Variants in DNAAF5 observed in about 807,000 individuals in gnomAD.
The protein encoded by DNAAF5 is dynein axonemal assembly factor 5.
Under a neutral mutation model 75.8 loss-of-function variants are expected in DNAAF5, and 64 were observed. The ratio of observed to expected loss-of-function variants is 0.84; its 90% CI spans 0.69 to 1.04. DNAAF5 has a LOEUF of 1.04. Ranked by LOEUF, DNAAF5 falls within the 50% of genes least tolerant of loss-of-function variation. DNAAF5 has a pLI of 0.00. For synonymous variants in DNAAF5, 657 were observed against 557.2 expected, an observed-to-expected ratio of 1.18 and a Z score of -2.52; for missense variants, 1,269 against 1,178.5, an observed-to-expected ratio of 1.08 and a Z score of -1.12.
At chr7:760,195 G>A (rs1034959791) in intron 6 of DNAAF5, among the ~76,000 whole-genome samples, 3 of 152,190 alleles carry the variant, frequency 2.0e-5, no homozygotes, top group Admixed American at 6.5e-5. Context: ...AGGACAGAAC[G>A]CTGCTGTAGT....
intron 4 of DNAAF5, among the ~76,000 whole-genome samples, chr7:742,277 G>C (rs1392943293): frequency 6.6e-6 from 1 of 152,204 alleles, no homozygotes; most frequent in Non-Finnish European, 1.5e-5. Flanking sequence ...CAAAAAGTAG[G>C]TGAAGCGCAG....
At chr7:735,519 G>T (rs894698374) in intron 2 of DNAAF5, among the ~76,000 whole-genome samples, 8 of 148,618 alleles carry the variant, frequency 5.4e-5, no homozygotes, top group African/African-American at 2.0e-4. Flanking sequence ...TGATATTGTT[G>T]CTCACGGTTT....
At chr7:755,859 G>A (rs1168842165) in intron 5 of DNAAF5, among the ~76,000 whole-genome samples, 1 of 152,256 alleles carries the variant, frequency 6.6e-6, no homozygotes, top group Non-Finnish European at 1.5e-5. Context: ...GTAGTTCTCT[G>A]TGGAACCTAC....
At chr7:741,500 C>A in intron 4 of DNAAF5, 35 bp downstream of exon 4, 2 of 1,253,316 alleles carry the variant, frequency 1.6e-6, no homozygotes, top group Admixed American at 2.1e-5. Flanking sequence ...CGCCAGGAGG[C>A]GAGCCCTTGT....
chr7:731,150 G>A (rs1396534169), intron 2 of DNAAF5, among the ~76,000 whole-genome samples: 1 of 152,180 alleles, frequency 6.6e-6, no homozygotes, highest in East Asian at 1.9e-4. Context: ...CAAGGAAAGT[G>A]GAGTCTGTGT....
At chr7:784,124 T>C (rs4721124) in intron 12 of DNAAF5, among the ~76,000 whole-genome samples, 120,819 of 151,814 alleles carry the variant, frequency 0.8, 48,190 homozygotes, top group South Asian at 0.87. Context: ...GGCAGGCATC[T>C]GCAGCCGTCC....
intron 9 of DNAAF5, among the ~76,000 whole-genome samples, chr7:773,267 C>A (rs373042828): frequency 7.8e-4 from 119 of 152,380 alleles, no homozygotes; most frequent in African/African-American, 2.8e-3. Flanking sequence ...CCCAACATGG[C>A]CCCTGCCAGG....
chr7:737,711 C>T (rs1489565429), intron 2 of DNAAF5, among the ~76,000 whole-genome samples: 1 of 152,176 alleles, frequency 6.6e-6, no homozygotes, highest in East Asian at 1.9e-4. Flanking sequence ...GTTTACTTTC[C>T]TTCAGCACTT....
intron 2 of DNAAF5, among the ~76,000 whole-genome samples, chr7:739,733 A>G (rs986886913): frequency 2.6e-5 from 4 of 152,106 alleles, no homozygotes; most frequent in Non-Finnish European, 4.4e-5. Flanking sequence ...CCAGGTGGCA[A>G]TGAACTTCGG....
chr7:737,223 G>C (rs546224070), intron 2 of DNAAF5, among the ~76,000 whole-genome samples: 1 of 152,092 alleles, frequency 6.6e-6, no homozygotes, highest in Non-Finnish European at 1.5e-5. Context: ...AGCCTCCCGA[G>C]TAGCTGGGAC....
chr7:757,055 C>T, intron 6 of DNAAF5, 61 bp downstream of exon 6: 1 of 1,479,420 alleles, frequency 6.8e-7, no homozygotes. Context: ...CGGCCGTCAG[C>T]CATCGTAATG....
intron 1 of DNAAF5, among the ~76,000 whole-genome samples, chr7:728,869 G>A (rs1781460361): frequency 6.6e-6 from 1 of 152,144 alleles, no homozygotes; most frequent in South Asian, 2.1e-4. Flanking sequence ...GTCACACTGG[G>A]CAACGGCAGA....
intron 4 of DNAAF5, among the ~76,000 whole-genome samples, chr7:745,082 A>T (rs1782041562): frequency 6.6e-6 from 1 of 152,078 alleles, no homozygotes; most frequent in African/African-American, 2.4e-5. Flanking sequence ...TCGGACCTTT[A>T]AGCTAAGCTG....
chr7:749,031 G>A (rs916526113), intron 4 of DNAAF5, among the ~76,000 whole-genome samples: 2 of 152,232 alleles, frequency 1.3e-5, no homozygotes, highest in South Asian at 2.1e-4. Flanking sequence ...AATATAATTC[G>A]TACCATATAA....
At chr7:760,395 T>C (rs1782609633) in intron 6 of DNAAF5, among the ~76,000 whole-genome samples, 1 of 152,250 alleles carries the variant, frequency 6.6e-6, no homozygotes, top group Non-Finnish European at 1.5e-5. Flanking sequence ...ATGTACACTG[T>C]TGATAAATCA....
At chr7:769,280 C>T (rs897556670) in intron 8 of DNAAF5, 4 of 704,594 alleles carry the variant, frequency 5.7e-6, no homozygotes, top group African/African-American at 3.5e-5. Context: ...CCTCCTTCTG[C>T]GGCCCCAACC....
In DNAAF5 at chr7:757,411, C is replaced by T. The variant is rs531073192; in HGVS notation, c.1470+417C>T. 6.4e-4 allele frequency among the ~76,000 whole-genome samples: 98 copies of T among 152,338 alleles called. 2 individuals carry two copies. The highest frequency in any genetic ancestry group is 5.7e-3 in the Admixed American group (87 of 15,302). On this transcript the variant is annotated intron_variant, in intron 6 of 12. Coordinates refer to ENST00000297440, the MANE Select transcript of DNAAF5 (RefSeq NM_017802.4). ...AGATGTGGGGTCCACGTCATCCCAC[C>T]CCTGAGGAGCGTGGTCGCACGTCCA...
In DNAAF5 at chr7:774,188, C is replaced by T. The variant is rs1281369567; in HGVS notation, c.2072C>T (p.Ser691Leu). The T allele has an allele frequency of 5.6e-6, 9 of 1,607,824 alleles. No individual in the cohort carries two copies. Among genetic ancestry groups the T allele is most frequent in the South Asian group, 4.4e-5 (4 of 90,946 alleles). Residue 691 changes from serine (S) to leucine (L), a missense_variant, in exon 10 of 13, where the codon TCG (serine) becomes TTG (leucine). Physicochemically the swap from Ser to Leu is moderately radical, Grantham distance 145. Transcript: ENST00000297440. ...GCGCTCACCAGCAGCGAGGTCCTGT[C>T]GGCAGAGCAGGTACGGGGCTCCCTG... is the stretch of plus-strand genomic sequence containing the variant. ...LWALTSSEVL[S>L]AEQIRDVQET...
At chr7:785,487 G>T in intron 12 of DNAAF5, 30 bp from the exon 13 acceptor site, 1 of 1,605,946 alleles carries the variant, frequency 6.2e-7, no homozygotes, top group Non-Finnish European at 8.5e-7. Context: ...TTTGTTTCTG[G>T]CATGTTCAAG....
Sources: allele counts gnomAD v4.1 joint callset (sites outside exome capture counted in the v4.1 genomes callset), GRCh38; gene constraint gnomAD v4.1.1; transcripts MANE v1.5; gene names NCBI Gene and HGNC (gene_info 2026-07-23, HGNC 2026-07-21).